The following PRDM16 variants were observed in gnomAD, a reference collection of about 807,000 sequenced individuals.
The protein encoded by PRDM16 is PR/SET domain 16, also known as histone-lysine N-methyltransferase PRDM16.
Under a neutral mutation model 110.6 loss-of-function variants are expected in PRDM16, and 23 were observed. The ratio of observed to expected loss-of-function variants is 0.21; its 90% CI spans 0.15 to 0.29. PRDM16 has a LOEUF of 0.29. PRDM16 is among the 10% of genes least tolerant of loss of function. PRDM16 has a pLI of 1.00. For missense variants in PRDM16, 1,615 were observed against 1,794.3 expected (o/e 0.90, Z 1.81); for synonymous variants, 799 against 781.8 (o/e 1.02, Z -0.37).
chr1:3,220,089 G>A (rs1639119339), intron 2 of PRDM16, among the ~76,000 whole-genome samples: 1 of 152,218 alleles, frequency 6.6e-6, no homozygotes, highest in African/African-American at 2.4e-5. Context: ...GGGTTTGCCT[G>A]CATCTCCAGA....
chr1:3,404,666 T>C, intron 6 of PRDM16, 73 bp from the exon 7 acceptor site: 14 of 1,581,902 alleles, frequency 8.9e-6, no homozygotes, highest in Non-Finnish European at 1.2e-5. Flanking sequence ...GGGAACAAGC[T>C]GTATGGTTGG....
intron 1 of PRDM16, among the ~76,000 whole-genome samples, chr1:3,139,466 C>A (rs555507572): frequency 6.6e-6 from 1 of 152,226 alleles, no homozygotes; most frequent in East Asian, 1.9e-4. Flanking sequence ...GGAGAGCAGA[C>A]GACAGAGCTG....
chr1:3,162,146 T>A (rs1643903307), intron 1 of PRDM16, among the ~76,000 whole-genome samples: 1 of 152,136 alleles, frequency 6.6e-6, no homozygotes, highest in South Asian at 2.1e-4. Context: ...CCCGTGAGCG[T>A]GGCATTAGGT....
At chr1:3,187,189 G>A (rs1487022471) in intron 2 of PRDM16, among the ~76,000 whole-genome samples, 1 of 152,144 alleles carries the variant, frequency 6.6e-6, no homozygotes, top group Non-Finnish European at 1.5e-5. Context: ...GGTCCCTTGA[G>A]TGGTCCTAGG....
chr1:3,188,844 C>G (rs550315771), intron 2 of PRDM16, among the ~76,000 whole-genome samples: 1 of 152,134 alleles, frequency 6.6e-6, no homozygotes, highest in East Asian at 1.9e-4. Flanking sequence ...AAGCAGGGGG[C>G]GGGAATTAAG....
rs61745281 is a variant in PRDM16 at position 3,405,575 on chromosome 1, C to T, written c.1113C>T (p.Cys371=). The T allele has an allele frequency of 5.0e-3, 7,982 of 1,611,340 alleles. 302 individuals carry two copies. In the African/African-American group the frequency reaches 0.085, roughly 17 times the overall value. Residue 371 remains cysteine (C), a synonymous_variant, in exon 8 of 17, where the codon TGC becomes TGT. Transcript: ENST00000270722. ...VGARAHACPD[C]GKTFATSSGL... ...CTCGGGCCCACGCCTGCCCCGACTG[C>T]GGGAAGACCTTCGCCACGTCCTCCG... is the stretch of plus-strand genomic sequence containing the variant.
intron 1 of PRDM16, among the ~76,000 whole-genome samples, chr1:3,166,393 G>A (rs992743481): frequency 6.6e-6 from 1 of 152,220 alleles, no homozygotes; most frequent in Non-Finnish European, 1.5e-5. Context: ...CACAGTGAGC[G>A]TGGACAATTC....
intron 1 of PRDM16, among the ~76,000 whole-genome samples, chr1:3,176,700 C>T (rs1644094114): frequency 6.6e-6 from 1 of 150,992 alleles, no homozygotes; most frequent in African/African-American, 2.4e-5. Context: ...CATCCACCAT[C>T]TGTCCATCTA....
At chr1:3,394,444 C>T in intron 4 of PRDM16, 1 of 443,600 alleles carries the variant, frequency 2.3e-6, no homozygotes, top group South Asian at 1.6e-5. Flanking sequence ...GGGAGGATGC[C>T]CGAGGTCTCA....
At position 3,132,332 on chromosome 1, in the gene PRDM16, G is replaced by A. The variant is rs536315706; in HGVS notation, c.38-53793G>A. On this transcript the variant is annotated intron_variant, in intron 1 of 16. Transcript: ENST00000270722. ...TTCTGTGTCCGGTGAGCAGAGGAGC[G>A]GAGCCTGCTGGGTGGAGGGTGGATG... 7.2e-4 allele frequency among the ~76,000 whole-genome samples: 109 copies of A among 152,330 alleles called. 2 individuals are homozygous for A. The highest frequency in any genetic ancestry group is 2.5e-3 in the African/African-American group (106 of 41,570).
At chr1:3,227,097 C>T (rs1156532663) in intron 2 of PRDM16, among the ~76,000 whole-genome samples, 9 of 152,256 alleles carry the variant, frequency 5.9e-5, no homozygotes, top group South Asian at 2.1e-4. Flanking sequence ...CGAACATCCA[C>T]GCTCTTTCCA....
intron 8 of PRDM16, among the ~76,000 whole-genome samples, chr1:3,408,758 ACG>A (rs1643609362): frequency 1.2e-5 from 1 of 84,194 alleles, no homozygotes; most frequent in African/African-American, 5.4e-5. Context: ...GTGTTGGCAC[ACG>A]TGAGAGTGCA....
chr1:3,295,204 T>TTACAGCTACAGGGTATCCAGGAAAGGC (rs1641060534), intron 3 of PRDM16, among the ~76,000 whole-genome samples: 1 of 152,160 alleles, frequency 6.6e-6, no homozygotes, highest in South Asian at 2.1e-4. Context: ...AGCCAGGCCA[T>TTACAGCTACAGGGTATCCAGGAAAGGC]TACAGCTACA....
Position 3,081,199 on chromosome 1 carries a change from A to G in PRDM16, c.37+11903A>G, listed in dbSNP as rs1012613288. Among the ~76,000 whole-genome samples, 6 of 152,146 alleles carry G rather than the reference A, an allele frequency of 3.9e-5. No individual in the cohort carries two copies. Among genetic ancestry groups the G allele is most frequent in the African/African-American group, 1.4e-4 (6 of 41,424 alleles). ...AAGCCGCTAAAAGCTGCTGTTTGTT[A>G]TTGAATCTCATCTGCTAATTACGGC... is the stretch of plus-strand genomic sequence containing the variant. On this transcript the variant is annotated intron_variant, in intron 1 of 16. Transcript: ENST00000270722. The surrounding 1 kb of genome is among the most constrained non-coding windows in gnomAD (Gnocchi z 4.6).
rs960798158 is a variant in PRDM16 at position 3,246,624 on chromosome 1, G to T, written c.438+2487G>T. On this transcript the variant is annotated intron_variant, in intron 3 of 16. Transcript: ENST00000270722. The surrounding 1 kb of genome is among the most constrained non-coding windows in gnomAD (Gnocchi z 5.2). ...GTCCTCAGGCACAGCTCCACCAGAGGGGGAGGCTGCCACACAGCACTGCCT... is the reference window on the plus strand; with the variant it reads ...GTCCTCAGGCACAGCTCCACCAGAGTGGGAGGCTGCCACACAGCACTGCCT... 6.6e-6 allele frequency among the ~76,000 whole-genome samples: 1 copy of T among 152,222 alleles called. No homozygotes were observed. The highest frequency in any genetic ancestry group is 2.4e-5 in the African/African-American group (1 of 41,462).
At chr1:3,233,223 G>A (rs1312211588) in intron 2 of PRDM16, among the ~76,000 whole-genome samples, 5 of 152,086 alleles carry the variant, frequency 3.3e-5, no homozygotes, top group South Asian at 2.1e-4. Context: ...CGGTGGCCGC[G>A]CGGTGCCTAG....
At chr1:3,293,787 A>G (rs1641028013) in intron 3 of PRDM16, among the ~76,000 whole-genome samples, 1 of 152,146 alleles carries the variant, frequency 6.6e-6, no homozygotes, top group Non-Finnish European at 1.5e-5. Context: ...GTCGGCAGCA[A>G]TGTTGTTCCA....
chr1:3,364,345 G>A (rs888313701), intron 3 of PRDM16, among the ~76,000 whole-genome samples: 11 of 152,142 alleles, frequency 7.2e-5, no homozygotes, highest in Admixed American at 1.3e-4. Context: ...CCCCCAAGTC[G>A]TCCTGCCTGG....
At chr1:3,170,123 G>A (rs1318689157) in intron 1 of PRDM16, among the ~76,000 whole-genome samples, 1 of 152,218 alleles carries the variant, frequency 6.6e-6, no homozygotes, top group South Asian at 2.1e-4. Flanking sequence ...AGCTGAGCGC[G>A]GACGGGCTGG....
Sources: allele counts gnomAD v4.1 joint callset (sites outside exome capture counted in the v4.1 genomes callset), GRCh38; gene constraint gnomAD v4.1.1; non-coding constraint Gnocchi (gnomAD v3.1); transcripts MANE v1.5; gene names NCBI Gene and HGNC (gene_info 2026-07-23, HGNC 2026-07-21).